Variants in SPECC1L observed in about 807,000 individuals in gnomAD.
SPECC1L encodes the protein sperm antigen with calponin homology and coiled-coil domains 1 like, also known as cytospin-A.
SPECC1L carries 40 observed loss-of-function variants against 116.8 expected under a neutral mutation model. The observed-to-expected ratio is 0.34, with a 90% CI of 0.27 to 0.45. SPECC1L has a LOEUF of 0.45. SPECC1L is among the 20% of genes least tolerant of loss of function. The pLI, the probability that SPECC1L is intolerant of heterozygous loss-of-function variation, is 1.00. For missense variants in SPECC1L, 1,110 were observed against 1,373.6 expected (o/e 0.81, Z 3.03); for synonymous variants, 504 against 500.6 (o/e 1.01, Z -0.09).
chr22:24,316,378 A>C (rs2040565433), intron 4 of SPECC1L, among the ~76,000 whole-genome samples: 1 of 150,458 alleles, frequency 6.6e-6, no homozygotes, highest in African/African-American at 2.5e-5. Flanking sequence ...TCAGCAGATA[A>C]ACAAGTGAAC....
At chr22:24,409,895 C>T (rs565930503) in intron 14 of SPECC1L, among the ~76,000 whole-genome samples, 30 of 152,118 alleles carry the variant, frequency 2.0e-4, no homozygotes, top group African/African-American at 6.3e-4. Flanking sequence ...GACGTGGTAG[C>T]ACGTACCAGC....
At chr22:24,272,807 C>T (rs1324335409) in intron 1 of SPECC1L, among the ~76,000 whole-genome samples, 1 of 151,806 alleles carries the variant, frequency 6.6e-6, no homozygotes, top group Non-Finnish European at 1.5e-5. Flanking sequence ...TATTTTTTTC[C>T]TCCAAAAAAA....
chr22:24,384,988 G>C (rs551337254), intron 14 of SPECC1L, among the ~76,000 whole-genome samples: 3 of 151,360 alleles, frequency 2.0e-5, no homozygotes, highest in African/African-American at 7.3e-5. Context: ...GGCTGAACCC[G>C]GGAGGCAGAG....
intron 10 of SPECC1L, 22 bp downstream of exon 10, chr22:24,338,499 A>C (rs2041108124): frequency 6.2e-7 from 1 of 1,606,422 alleles, no homozygotes; most frequent in Non-Finnish European, 8.5e-7. Context: ...GAACCACAGG[A>C]GGCTCTTAGA....
chr22:24,319,810 T>C (rs2040683639), intron 4 of SPECC1L, among the ~76,000 whole-genome samples: 1 of 152,258 alleles, frequency 6.6e-6, no homozygotes, highest in South Asian at 2.1e-4. Flanking sequence ...TGCTCCCTGT[T>C]ACCTCTACAG....
At position 24,321,282 on chromosome 22, in the gene SPECC1L, A is replaced by C. The variant is rs1360148091; in HGVS notation, c.308-6A>C. On this transcript the variant is annotated splice_polypyrimidine_tract_variant and splice_region_variant and intron_variant, in intron 4 of 16. Coordinates refer to ENST00000314328, the MANE Select transcript of SPECC1L (RefSeq NM_015330.6). ...TTGCCTTACATTTTTTGTATTAAAC[A>C]CATAGGCACAGCTTCTTCAACCAAG... is the stretch of plus-strand genomic sequence containing the variant. 1 of 1,613,430 alleles carries C rather than the reference A, an allele frequency of 6.2e-7. No individual in the cohort carries two copies. Among genetic ancestry groups the C allele is most frequent in the African/African-American group, 1.3e-5 (1 of 74,940 alleles).
intron 3 of SPECC1L, among the ~76,000 whole-genome samples, chr22:24,308,714 A>G (rs889585919): frequency 1.2e-4 from 19 of 152,076 alleles, no homozygotes; most frequent in African/African-American, 3.4e-4. Flanking sequence ...TTCTTTCCCA[A>G]ATCAGTTAGT....
intron 14 of SPECC1L, among the ~76,000 whole-genome samples, chr22:24,406,875 TAG>T (rs2042602136): frequency 6.6e-6 from 1 of 152,192 alleles, no homozygotes; most frequent in African/African-American, 2.4e-5. Flanking sequence ...CATTAGCAGT[TAG>T]AGTTTTCAGC....
At chr22:24,298,033 A>G (rs1456708796) in intron 2 of SPECC1L, among the ~76,000 whole-genome samples, 1 of 152,216 alleles carries the variant, frequency 6.6e-6, no homozygotes, top group Non-Finnish European at 1.5e-5. Context: ...GTATGTATAC[A>G]TGGTCCCCAA....
intron 11 of SPECC1L, among the ~76,000 whole-genome samples, chr22:24,354,731 G>A (rs1228351444): frequency 2.0e-5 from 3 of 148,834 alleles, no homozygotes; most frequent in South Asian, 4.3e-4. Flanking sequence ...GTGTGATCTC[G>A]GCTCGCTGCA....
At chr22:24,353,991 G>A (rs976600020) in intron 11 of SPECC1L, among the ~76,000 whole-genome samples, 9 of 152,310 alleles carry the variant, frequency 5.9e-5, no homozygotes, top group Admixed American at 2.6e-4. Flanking sequence ...GCCAGCATCC[G>A]CTCAGCTTCT....
chr22:24,302,453 A>G (rs2049400280), intron 3 of SPECC1L, 69 bp downstream of exon 3: 4 of 1,581,642 alleles, frequency 2.5e-6, no homozygotes, highest in Non-Finnish European at 3.5e-6. Context: ...TGTTTAATAT[A>G]TTAAATGAGC....
chr22:24,379,652 T>G (rs899028168), intron 14 of SPECC1L, among the ~76,000 whole-genome samples: 1 of 152,190 alleles, frequency 6.6e-6, no homozygotes, highest in Admixed American at 6.5e-5. Context: ...TTTTGTACAC[T>G]TGACAGTCTT....
chr22:24,285,119 A>G (rs1027968900), intron 2 of SPECC1L, among the ~76,000 whole-genome samples: 3 of 152,242 alleles, frequency 2.0e-5, no homozygotes, highest in African/African-American at 7.2e-5. Context: ...GTAGTTGTCT[A>G]GAAGAACCTC....
intron 11 of SPECC1L, among the ~76,000 whole-genome samples, chr22:24,354,201 A>G (rs2041481836): frequency 6.6e-6 from 1 of 152,168 alleles, no homozygotes; most frequent in Admixed American, 6.5e-5. Flanking sequence ...CCCACCTCCA[A>G]CACTGGGGCT....
intron 4 of SPECC1L, among the ~76,000 whole-genome samples, chr22:24,315,645 T>C (rs1263124954): frequency 1.3e-5 from 2 of 152,258 alleles, no homozygotes; most frequent in African/African-American, 4.8e-5. Flanking sequence ...TACTGACTGA[T>C]GCTACCTGAC....
At chr22:24,375,976 A>T (rs1020170156) in intron 14 of SPECC1L, among the ~76,000 whole-genome samples, 4 of 152,004 alleles carry the variant, frequency 2.6e-5, no homozygotes, top group Admixed American at 6.6e-5. Context: ...CAAACAAAAA[A>T]AACAAAAAAA....
intron 2 of SPECC1L, among the ~76,000 whole-genome samples, 163 bp from the exon 3 acceptor site, chr22:24,302,032 C>T (rs113491617): frequency 6.7e-6 from 1 of 150,246 alleles, no homozygotes; most frequent in Non-Finnish European, 1.5e-5. Flanking sequence ...GGTGACAGAG[C>T]GAGACTCCGT....
chr22:24,284,626 G>A (rs2049007772), intron 2 of SPECC1L, among the ~76,000 whole-genome samples: 1 of 151,996 alleles, frequency 6.6e-6, no homozygotes, highest in Middle Eastern at 3.2e-3. Flanking sequence ...TAGTAGAGAC[G>A]GGATTTCACC....
Sources: gnomAD v4.1 joint callset for allele counts (sites outside exome capture counted in the v4.1 genomes callset) on GRCh38, gnomAD v4.1.1 for gene constraint, MANE v1.5 for transcripts, NCBI Gene and HGNC (gene_info 2026-07-23, HGNC 2026-07-21) for gene names.